The following GALNTL6 variants were observed in gnomAD, a reference collection of about 807,000 sequenced individuals.
GALNTL6 encodes polypeptide N-acetylgalactosaminyltransferase like 6, also known as polypeptide N-acetylgalactosaminyltransferase-like 6.
Under a neutral mutation model 73.7 loss-of-function variants are expected in GALNTL6, and 46 were observed. That is an observed-to-expected ratio of 0.62 (90% confidence interval 0.49 to 0.80). The LOEUF (loss-of-function observed/expected upper bound fraction) is 0.80. GALNTL6 is among the 30% of genes least tolerant of loss of function. GALNTL6 has a pLI of 0.00. For missense variants in GALNTL6, 604 were observed against 755.0 expected, an observed-to-expected ratio of 0.80 and a Z score of 2.34; for synonymous variants, 259 against 263.7, an observed-to-expected ratio of 0.98 and a Z score of 0.17.
intron 5 of GALNTL6, among the ~76,000 whole-genome samples, chr4:172,465,289 A>C (rs1212674081): frequency 6.6e-6 from 1 of 152,120 alleles, no homozygotes; most frequent in Admixed American, 6.5e-5. Flanking sequence ...CATCCTGGCT[A>C]ACACGGTGAA....
chr4:172,395,237 A>G (rs954009220), intron 5 of GALNTL6, among the ~76,000 whole-genome samples: 3 of 152,236 alleles, frequency 2.0e-5, no homozygotes, highest in Non-Finnish European at 2.9e-5. Context: ...AAAGTTTCAT[A>G]CAATAGTCAT....
At chr4:172,353,715 TTATA>T (rs150092120) in intron 5 of GALNTL6, among the ~76,000 whole-genome samples, 1 of 151,150 alleles carries the variant, frequency 6.6e-6, no homozygotes, top group African/African-American at 2.4e-5. Context: ...GGAAAAAATA[TTATA>T]TATATATATG....
At chr4:172,881,536 TAGAC>T (rs1745450175) in intron 7 of GALNTL6, among the ~76,000 whole-genome samples, 1 of 152,154 alleles carries the variant, frequency 6.6e-6, no homozygotes, top group Non-Finnish European at 1.5e-5. Flanking sequence ...ATAATACACT[TAGAC>T]AGATTCAGGT....
chr4:172,306,675 C>T (rs1578936434), intron 3 of GALNTL6, among the ~76,000 whole-genome samples: 1 of 152,182 alleles, frequency 6.6e-6, no homozygotes, highest in South Asian at 2.1e-4. Flanking sequence ...TTTGTGTCCT[C>T]ATATCATAGC....
intron 3 of GALNTL6, among the ~76,000 whole-genome samples, chr4:172,277,524 C>A (rs1364980936): frequency 6.6e-6 from 1 of 152,162 alleles, no homozygotes; most frequent in Non-Finnish European, 1.5e-5. Flanking sequence ...AATAGGTAAG[C>A]ACCCTTTGTT....
chr4:172,132,267 T>G (rs773459017), intron 2 of GALNTL6, among the ~76,000 whole-genome samples: 1 of 152,166 alleles, frequency 6.6e-6, no homozygotes, highest in Non-Finnish European at 1.5e-5. Context: ...TTAAATTTTC[T>G]TTATATCAGT....
chr4:172,532,207 A>T (rs1464123185), intron 5 of GALNTL6, among the ~76,000 whole-genome samples: 2 of 152,182 alleles, frequency 1.3e-5, no homozygotes, highest in Non-Finnish European at 2.9e-5. Context: ...GATGTAATAC[A>T]GTTAAGAAGA....
intron 5 of GALNTL6, among the ~76,000 whole-genome samples, chr4:172,408,754 GAC>G (rs1744326634): frequency 6.6e-6 from 1 of 151,918 alleles, no homozygotes; most frequent in African/African-American, 2.4e-5. Flanking sequence ...TGGGTGGAAG[GAC>G]ACAGGAGAAA....
intron 5 of GALNTL6, among the ~76,000 whole-genome samples, chr4:172,647,774 A>G (rs1044453874): frequency 4.6e-5 from 7 of 152,210 alleles, no homozygotes; most frequent in African/African-American, 1.7e-4. Context: ...TCTTATTTTT[A>G]TAATTAATTT....
At position 173,040,205 on chromosome 4, in the gene GALNTL6, G is replaced by A; in HGVS notation, c.*105G>A. On this transcript the variant is annotated 3_prime_UTR_variant, in exon 13 of 13. Transcript: ENST00000506823. Reference sequence around the variant, plus strand: ...AATAACATTTCCTCGATCCAGGAAGGCTGGTTTAAAAATTTGCAAATGCCA... The same window carrying A: ...AATAACATTTCCTCGATCCAGGAAGACTGGTTTAAAAATTTGCAAATGCCA... 4.6e-6 allele frequency: 4 copies of A among 862,178 alleles called. No homozygotes were observed. Among genetic ancestry groups the A allele is most frequent in the Non-Finnish European group, 6.9e-6 (4 of 580,354 alleles). 53.4% of individuals were successfully genotyped at this position (862,178 alleles called of 1,614,324 possible). A position where few individuals can be genotyped will look rare whatever the true frequency, so the allele number is the denominator to read the frequency against.
intron 9 of GALNTL6, among the ~76,000 whole-genome samples, chr4:172,945,143 T>C (rs953598326): frequency 7.9e-5 from 12 of 151,670 alleles, no homozygotes; most frequent in African/African-American, 2.7e-4. Flanking sequence ...AAAATACTTA[T>C]ACTAAGTGAA....
chr4:172,566,968 T>A (rs1736577097), intron 5 of GALNTL6, among the ~76,000 whole-genome samples: 1 of 151,420 alleles, frequency 6.6e-6, no homozygotes, highest in Non-Finnish European at 1.5e-5. Flanking sequence ...TCATTTTCAA[T>A]AACTAGTTTT....
chr4:172,277,195 T>C (rs1738862754), intron 3 of GALNTL6, among the ~76,000 whole-genome samples: 1 of 152,224 alleles, frequency 6.6e-6, no homozygotes, highest in Non-Finnish European at 1.5e-5. Context: ...AAGAGCAATA[T>C]TTATACTCAG....
At chr4:172,717,156 C>T (rs896596591) in intron 5 of GALNTL6, among the ~76,000 whole-genome samples, 2 of 152,084 alleles carry the variant, frequency 1.3e-5, no homozygotes, top group African/African-American at 4.8e-5. Context: ...TTTCAGTAGC[C>T]AAAATAAAGC....
intron 5 of GALNTL6, among the ~76,000 whole-genome samples, chr4:172,571,595 A>G (rs192235312): frequency 6.6e-6 from 1 of 152,338 alleles, no homozygotes; most frequent in East Asian, 1.9e-4. Flanking sequence ...TCTTCTTAGT[A>G]TTTAAATCCC....
At chr4:172,170,376 G>A (rs546467629) in intron 2 of GALNTL6, among the ~76,000 whole-genome samples, 1 of 152,168 alleles carries the variant, frequency 6.6e-6, no homozygotes, top group East Asian at 1.9e-4. Context: ...CCTTGTGAAG[G>A]TGTTGCCTGT....
At chr4:171,933,082 A>G (rs1174092258) in intron 2 of GALNTL6, among the ~76,000 whole-genome samples, 3 of 152,204 alleles carry the variant, frequency 2.0e-5, no homozygotes, top group Admixed American at 6.5e-5. Context: ...ATTATTGAAA[A>G]GACTTATGAA....
intron 2 of GALNTL6, among the ~76,000 whole-genome samples, chr4:171,857,916 T>C (rs1735733411): frequency 6.6e-6 from 1 of 152,200 alleles, no homozygotes; most frequent in African/African-American, 2.4e-5. Context: ...CATCTGTGTC[T>C]TGCCTGGTTC....
intron 5 of GALNTL6, among the ~76,000 whole-genome samples, chr4:172,469,448 A>G (rs942035828): frequency 8.6e-6 from 1 of 116,642 alleles, no homozygotes; most frequent in East Asian, 2.4e-4. Context: ...TCTACAAAAA[A>G]TAAAAAAAAA....
Sources: gnomAD v4.1 joint callset for allele counts (sites outside exome capture counted in the v4.1 genomes callset) on GRCh38, gnomAD v4.1.1 for gene constraint, MANE v1.5 for transcripts, NCBI Gene and HGNC (gene_info 2026-07-23, HGNC 2026-07-21) for gene names.